Variants in SNAPC3 observed in about 807,000 individuals in gnomAD.
SNAPC3 encodes the protein small nuclear RNA activating complex polypeptide 3.
SNAPC3 carries 56 observed loss-of-function variants against 47.7 expected under a neutral mutation model. The ratio of observed to expected loss-of-function variants is 1.18; its 90% CI spans 0.95 to 1.47. The LOEUF (loss-of-function observed/expected upper bound fraction) is 1.47, where lower values mean the gene tolerates loss of function less well. Ranked by LOEUF, SNAPC3 falls within the 40% of genes most tolerant of loss-of-function variation. The probability of loss-of-function intolerance (pLI) is 0.00; values close to 1 mark genes in which losing one functional copy is unlikely to be tolerated. For synonymous variants in SNAPC3, 235 were observed against 189.9 expected (o/e 1.24, Z -1.95); for missense variants, 665 against 511.3 (o/e 1.30, Z -2.90).
chr9:15,433,789 G>C, intron 3 of SNAPC3, 153 bp downstream of exon 3: 1 of 491,566 alleles, frequency 2.0e-6, no homozygotes, highest in African/African-American at 2.0e-5. Context: ...GAACTAGTGA[G>C]AGAAGAGGAC....
At position 15,428,508 on chromosome 9, in the gene SNAPC3, C is replaced by CAA. The variant is rs397952770; in HGVS notation, c.392+4536_392+4537dup. Among the ~76,000 whole-genome samples, 541 of 128,964 alleles carry CAA rather than the reference C, an allele frequency of 4.2e-3. 3 individuals are homozygous for CAA. The highest frequency in any genetic ancestry group is 0.024 in the South Asian group (93 of 3,854). The allele number at this position is 128,964 out of a possible 152,430, so 84.6% of individuals were successfully genotyped here. On this transcript the variant is annotated intron_variant, in intron 2 of 8. Transcript: ENST00000380821. Reference sequence around the variant, plus strand: ...TGGGCGACACAGCGAGACTCTGTCTCAAAAAAAAAAAAAAAGAGAAAGCCT... The same window carrying CAA: ...TGGGCGACACAGCGAGACTCTGTCTCAAAAAAAAAAAAAAAAAGAGAAAGCCT...
intron 4 of SNAPC3, among the ~76,000 whole-genome samples, chr9:15,445,997 C>A (rs1385753569): frequency 6.6e-6 from 1 of 152,128 alleles, no homozygotes; most frequent in Non-Finnish European, 1.5e-5. Context: ...AGAAACCAAA[C>A]CAAAGTATGA....
intron 2 of SNAPC3, among the ~76,000 whole-genome samples, chr9:15,427,459 C>A (rs983379959): frequency 2.0e-5 from 3 of 152,230 alleles, no homozygotes; most frequent in Non-Finnish European, 2.9e-5. Context: ...AGTGATTCTT[C>A]TGCCTCAGCC....
rs752032286 is a variant in SNAPC3, at chr9:15,459,902, A to G, written c.*36A>G. The G allele has an allele frequency of 3.2e-6, 5 of 1,582,038 alleles. No homozygotes were observed. The highest frequency in any genetic ancestry group is 2.7e-5 in the African/African-American group (2 of 73,998). Reference sequence around the variant, plus strand: ...ACTCACAAAAATACCCCCTCATGAAATAACTGTTCTCTTGGATGGTTACCT... The same window carrying G: ...ACTCACAAAAATACCCCCTCATGAAGTAACTGTTCTCTTGGATGGTTACCT... On this transcript the variant is annotated 3_prime_UTR_variant, in exon 9 of 9. Coordinates refer to ENST00000380821, the MANE Select transcript of SNAPC3 (RefSeq NM_001039697.2).
At chr9:15,459,472 GGTAA>G (rs781653034) in intron 8 of SNAPC3, among the ~76,000 whole-genome samples, 16 of 152,184 alleles carry the variant, frequency 1.1e-4, no homozygotes, top group South Asian at 2.1e-4. Context: ...TTCCTTTAAG[GGTAA>G]GTATTACAGA....
At position 15,433,574 on chromosome 9, in the gene SNAPC3, C is replaced by T; in HGVS notation, c.415C>T (p.His139Tyr). Residue 139 changes from histidine (H) to tyrosine (Y), a missense_variant, in exon 3 of 9, where the codon CAT (histidine) becomes TAT (tyrosine). Transcript: ENST00000380821. The part of the protein sequence containing the change: ...TLGVRKRFLE[H>Y]REETITIDRA... ...CAGGGTTAGAAAAAGGTTCTTGGAACATCGGGAAGAAACCATTACAATAGA... is the reference window on the plus strand; with the variant it reads ...CAGGGTTAGAAAAAGGTTCTTGGAATATCGGGAAGAAACCATTACAATAGA... 1 of 1,605,556 alleles carries T rather than the reference C, an allele frequency of 6.2e-7. No homozygotes were observed. Among genetic ancestry groups the T allele is most frequent in the Non-Finnish European group, 8.5e-7 (1 of 1,175,366 alleles).
chr9:15,459,050 C>G (rs1014142468), intron 8 of SNAPC3, among the ~76,000 whole-genome samples: 2 of 152,096 alleles, frequency 1.3e-5, no homozygotes, highest in Non-Finnish European at 2.9e-5. Context: ...TTTGTTTTCG[C>G]CACCCCACCA....
chr9:15,451,931 A>G (rs912136972), intron 6 of SNAPC3, among the ~76,000 whole-genome samples: 6 of 151,558 alleles, frequency 4.0e-5, no homozygotes, highest in African/African-American at 1.5e-4. Flanking sequence ...TGTCTTAACA[A>G]TTACAGTATA....
downstream of SNAPC3, among the ~76,000 whole-genome samples, chr9:15,466,394 A>G (rs1023289701): frequency 6.6e-6 from 1 of 152,176 alleles, no homozygotes; most frequent in Non-Finnish European, 1.5e-5. Context: ...AAAAACAACA[A>G]CAACAAAACT....
chr9:15,427,515 AT>A (rs1221566838), intron 2 of SNAPC3, among the ~76,000 whole-genome samples: 36 of 151,996 alleles, frequency 2.4e-4, no homozygotes, highest in African/African-American at 8.5e-4. Flanking sequence ...TGCCTGGCTA[AT>A]TTTTTATATT....
chr9:15,444,921 G>T (rs986148754), intron 4 of SNAPC3, among the ~76,000 whole-genome samples: 4 of 152,088 alleles, frequency 2.6e-5, no homozygotes, highest in Non-Finnish European at 5.9e-5. Flanking sequence ...GTGAGACCTT[G>T]TCTCTACTAA....
At chr9:15,431,689 A>C (rs1471984921) in intron 2 of SNAPC3, among the ~76,000 whole-genome samples, 1 of 152,154 alleles carries the variant, frequency 6.6e-6, no homozygotes, top group African/African-American at 2.4e-5. Context: ...TTTGACTCTT[A>C]GGATCATAGT....
intron 7 of SNAPC3, among the ~76,000 whole-genome samples, chr9:15,457,211 AT>A (rs1166576255): frequency 6.6e-6 from 1 of 152,216 alleles, no homozygotes. Context: ...TAAAGGAGAC[AT>A]TAAAAAAACA....
intron 3 of SNAPC3, among the ~76,000 whole-genome samples, chr9:15,440,477 G>GT (rs142154800): frequency 0.042 from 6,394 of 151,720 alleles, 449 homozygotes; most frequent in African/African-American, 0.15. Flanking sequence ...GACAGGTTTT[G>GT]TTTTTTTTCT....
downstream of SNAPC3, chr9:15,464,056 A>G (rs1415536385): frequency 5.7e-6 from 1 of 176,606 alleles, no homozygotes; most frequent in Admixed American, 6.3e-5. Flanking sequence ...AAAGTAATTT[A>G]CTAGCAGAGT....
chr9:15,434,295 C>G (rs1053538793), intron 3 of SNAPC3, among the ~76,000 whole-genome samples: 5 of 152,106 alleles, frequency 3.3e-5, no homozygotes, highest in African/African-American at 7.2e-5. Context: ...AATAACTCAC[C>G]AGTTTTCCCT....
chr9:15,438,482 T>C (rs1479576879), intron 3 of SNAPC3, among the ~76,000 whole-genome samples: 18 of 152,140 alleles, frequency 1.2e-4, no homozygotes, highest in Admixed American at 1.2e-3. Flanking sequence ...CACTCATCTT[T>C]ATAATTTTCA....
At chr9:15,445,402 A>T (rs1393698596) in intron 4 of SNAPC3, among the ~76,000 whole-genome samples, 1 of 152,202 alleles carries the variant, frequency 6.6e-6, no homozygotes, top group Non-Finnish European at 1.5e-5. Flanking sequence ...AAGTTATTGA[A>T]CTAACCAGAG....
intron 3 of SNAPC3, among the ~76,000 whole-genome samples, chr9:15,435,855 T>TTC (rs2032742963): frequency 6.7e-6 from 1 of 149,718 alleles, no homozygotes; most frequent in African/African-American, 2.4e-5. Context: ...TTTTTTTTTT[T>TTC]TTTTTGAGAC....
Sources: allele counts gnomAD v4.1 joint callset (sites outside exome capture counted in the v4.1 genomes callset), GRCh38; gene constraint gnomAD v4.1.1; transcripts MANE v1.5; gene names NCBI Gene and HGNC (gene_info 2026-07-23, HGNC 2026-07-21).